The following ERC2 variants were observed in gnomAD, a reference collection of about 807,000 sequenced individuals.
ERC2 encodes the protein ELKS/RAB6-interacting/CAST family member 2, also known as ERC protein 2.
A neutral mutation model predicts 114.8 loss-of-function variants in ERC2; 42 were observed. That is an observed-to-expected ratio of 0.37 (90% CI 0.29 to 0.47). The LOEUF (loss-of-function observed/expected upper bound fraction) is 0.47. Ranked by LOEUF, ERC2 falls within the 20% of genes least tolerant of loss-of-function variation. The pLI, the probability that ERC2 is intolerant of heterozygous loss-of-function variation, is 0.99. For missense variants in ERC2, 939 were observed against 1,150.7 expected (o/e 0.82, Z 2.66); for synonymous variants, 454 against 425.5 (o/e 1.07, Z -0.82).
chr3:56,125,665 A>G (rs1443598305), intron 6 of ERC2, among the ~76,000 whole-genome samples: 1 of 152,222 alleles, frequency 6.6e-6, no homozygotes, highest in Non-Finnish European at 1.5e-5. Context: ...TTTACATCCA[A>G]ATTACCCTCT....
chr3:55,721,021 A>T (rs2148886388), intron 15 of ERC2, among the ~76,000 whole-genome samples: 1 of 152,344 alleles, frequency 6.6e-6, no homozygotes, highest in Non-Finnish European at 1.5e-5. Context: ...ACAACTAGTG[A>T]GTGGAGGTGA....
At chr3:56,229,749 T>G (rs1195815557) in intron 3 of ERC2, among the ~76,000 whole-genome samples, 2 of 152,130 alleles carry the variant, frequency 1.3e-5, no homozygotes, top group African/African-American at 2.4e-5. Flanking sequence ...GTAAATTTTA[T>G]TGTGCAAGGA....
chr3:55,528,425 G>GAA (rs2053466890), intron 17 of ERC2, among the ~76,000 whole-genome samples: 1 of 152,202 alleles, frequency 6.6e-6, no homozygotes, highest in South Asian at 2.1e-4. Flanking sequence ...AAATGAGTAT[G>GAA]AAGCAAATTC....
chr3:56,229,896 G>A (rs550424661), intron 3 of ERC2, among the ~76,000 whole-genome samples: 224 of 116,572 alleles, frequency 1.9e-3, no homozygotes, highest in African/African-American at 6.3e-3. Flanking sequence ...TTTTGAGATG[G>A]AGTCTCGCTC....
chr3:56,383,173 C>T (rs1022402725), intron 2 of ERC2, among the ~76,000 whole-genome samples: 2 of 152,152 alleles, frequency 1.3e-5, no homozygotes, highest in African/African-American at 4.8e-5. Flanking sequence ...GAGCATTTGT[C>T]TCCAGTCTTC....
Position 56,032,947 on chromosome 3 carries a change from GAA to G in ERC2, c.1642-13918_1642-13917del, listed in dbSNP as rs1491109460. Among the ~76,000 whole-genome samples the G allele has an allele frequency of 2.4e-4, 15 of 63,114 alleles. 1 individual carries two copies. The highest frequency in any genetic ancestry group is 4.8e-4 in the African/African-American group (10 of 20,862). 41.4% of individuals were successfully genotyped at this position (63,114 alleles called of 152,430 possible). ...AGAAAGAAAGAAAGAAAGAAAGAAAGAAAGAAAGAAACAGAAAGAAAGAAAGA... is the reference window on the plus strand; with the variant it reads ...AGAAAGAAAGAAAGAAAGAAAGAAAGAGAAAGAAACAGAAAGAAAGAAAGA... On this transcript the variant is annotated intron_variant, in intron 7 of 17. Coordinates refer to ENST00000288221, the MANE Select transcript of ERC2 (RefSeq NM_015576.3).
intron 17 of ERC2, among the ~76,000 whole-genome samples, chr3:55,520,046 C>T (rs532979491): frequency 1.7e-5 from 2 of 116,850 alleles, no homozygotes; most frequent in South Asian, 2.9e-4. Flanking sequence ...TAGAGTGAGA[C>T]CCAGTCTCCA....
In ERC2 at chr3:55,621,968, A is replaced by T. The variant is rs117446338; in HGVS notation, c.*39+61826T>A. 3.3e-3 allele frequency among the ~76,000 whole-genome samples: 506 copies of T among 152,312 alleles called. 8 individuals carry two copies. The highest frequency in any genetic ancestry group is 0.032 in the East Asian group (168 of 5,186). On this transcript the variant is annotated intron_variant, in intron 17 of 17. Coordinates refer to ENST00000288221, the MANE Select transcript of ERC2 (RefSeq NM_015576.3). Reference sequence around the variant, plus strand: ...TGGGACTTTGTATTCACATGACATAAGCTATTTCCTTTCTTGTTCAAAGGA... The same window carrying T: ...TGGGACTTTGTATTCACATGACATATGCTATTTCCTTTCTTGTTCAAAGGA...
intron 14 of ERC2, among the ~76,000 whole-genome samples, chr3:55,883,685 C>T (rs1372018671): frequency 2.0e-5 from 3 of 151,888 alleles, no homozygotes; most frequent in Non-Finnish European, 4.4e-5. Flanking sequence ...GTCAGGAGAT[C>T]GAGACCATCC....
At chr3:55,920,474 G>A (rs1268293539) in intron 13 of ERC2, among the ~76,000 whole-genome samples, 1 of 149,684 alleles carries the variant, frequency 6.7e-6, no homozygotes, top group Non-Finnish European at 1.5e-5. Context: ...ATTGCTAACT[G>A]TCCAAAAACT....
chr3:56,203,432 G>A (rs1364499201), intron 3 of ERC2, among the ~76,000 whole-genome samples: 2 of 152,178 alleles, frequency 1.3e-5, no homozygotes, highest in Non-Finnish European at 2.9e-5. Context: ...AATTATTTCT[G>A]ACTGGAGAAA....
chr3:56,168,836 A>G (rs1229200001), intron 4 of ERC2, among the ~76,000 whole-genome samples: 1 of 152,224 alleles, frequency 6.6e-6, no homozygotes, highest in Non-Finnish European at 1.5e-5. Flanking sequence ...ATAACAAAAA[A>G]TTAACCTCTG....
intron 1 of ERC2, among the ~76,000 whole-genome samples, chr3:56,455,461 C>T (rs2063021871): frequency 1.3e-5 from 2 of 152,170 alleles, no homozygotes; most frequent in Admixed American, 6.5e-5. Flanking sequence ...CTCATATCCT[C>T]ATTCACTCAC....
chr3:56,125,676 C>T (rs867900210), intron 6 of ERC2, among the ~76,000 whole-genome samples: 1 of 152,194 alleles, frequency 6.6e-6, no homozygotes, highest in Non-Finnish European at 1.5e-5. Context: ...ATTACCCTCT[C>T]ATAAAAACAA....
intron 13 of ERC2, among the ~76,000 whole-genome samples, chr3:55,890,981 T>C (rs967782970): frequency 6.6e-6 from 1 of 152,240 alleles, no homozygotes; most frequent in Non-Finnish European, 1.5e-5. Flanking sequence ...GTTCTTCCTG[T>C]GTTTAACATT....
At chr3:56,025,122 TG>T (rs1221491198) in intron 7 of ERC2, among the ~76,000 whole-genome samples, 2 of 152,146 alleles carry the variant, frequency 1.3e-5, no homozygotes, top group Non-Finnish European at 2.9e-5. Context: ...GGAGCATGAA[TG>T]CACAGGTCTG....
chr3:55,965,087 C>T (rs190951888), intron 12 of ERC2, among the ~76,000 whole-genome samples: 39 of 152,276 alleles, frequency 2.6e-4, no homozygotes, highest in Middle Eastern at 3.4e-3. Context: ...AAGGGAATGG[C>T]AACCATCACC....
intron 2 of ERC2, among the ~76,000 whole-genome samples, chr3:56,385,759 T>A (rs1287615133): frequency 1.3e-5 from 2 of 152,170 alleles, no homozygotes; most frequent in African/African-American, 4.8e-5. Flanking sequence ...ACATATTCTT[T>A]TTAAATGGTT....
intron 14 of ERC2, chr3:55,766,892 G>A (rs988644722): frequency 2.6e-5 from 4 of 152,198 alleles, no homozygotes; most frequent in Non-Finnish European, 4.4e-5. Flanking sequence ...GAATCCTGAG[G>A]GTGATTACTT....
Sources: gnomAD v4.1 joint callset for allele counts (sites outside exome capture counted in the v4.1 genomes callset) on GRCh38, gnomAD v4.1.1 for gene constraint, MANE v1.5 for transcripts, NCBI Gene and HGNC (gene_info 2026-07-23, HGNC 2026-07-21) for gene names.